The following FNDC3B variants were observed in gnomAD, a reference collection of about 807,000 sequenced individuals.
FNDC3B encodes fibronectin type III domain-containing protein 3B.
Under a neutral mutation model 151.5 loss-of-function variants are expected in FNDC3B, and 12 were observed. That is an observed-to-expected ratio of 0.08 (90% confidence interval 0.05 to 0.13). The LOEUF is 0.13. Among genes scored for constraint, FNDC3B ranks in the 10% least tolerant of loss-of-function variants. The pLI is 1.00. For synonymous variants in FNDC3B, 528 were observed against 549.0 expected (o/e 0.96, Z 0.54); for missense variants, 1,214 against 1,505.3 (o/e 0.81, Z 3.20).
chr3:172,133,350 T>C, intron 2 of FNDC3B, 121 bp from the exon 3 acceptor site: 2 of 739,198 alleles, frequency 2.7e-6, no homozygotes, highest in Non-Finnish European at 4.5e-6. Context: ...ACTCCAAGTT[T>C]TGTGTTTATA....
At chr3:172,330,403 A>G in intron 12 of FNDC3B, 138 bp from the exon 13 acceptor site, 1 of 650,110 alleles carries the variant, frequency 1.5e-6, no homozygotes, top group Non-Finnish European at 2.6e-6. Flanking sequence ...GGAATATCAC[A>G]CACAGCATCC....
intron 3 of FNDC3B, among the ~76,000 whole-genome samples, chr3:172,206,095 C>T (rs909637956): frequency 1.3e-5 from 2 of 152,088 alleles, no homozygotes; most frequent in Non-Finnish European, 2.9e-5. Flanking sequence ...TTTTTACAAC[C>T]GTAGGGTAAT....
intron 7 of FNDC3B, 59 bp from the exon 8 acceptor site, chr3:172,295,301 CTAA>C: frequency 6.7e-7 from 1 of 1,503,518 alleles, no homozygotes; most frequent in Non-Finnish European, 9.1e-7. Context: ...TATGCCACTA[CTAA>C]TAATTCTGAA....
chr3:172,374,308 G>T (rs903420994), intron 23 of FNDC3B, among the ~76,000 whole-genome samples: 3 of 152,184 alleles, frequency 2.0e-5, no homozygotes, highest in African/African-American at 7.2e-5. Context: ...TAAAAATTCT[G>T]TCTTCACAGC....
At chr3:172,350,234 T>C (rs1419926598) in intron 21 of FNDC3B, among the ~76,000 whole-genome samples, 1 of 152,238 alleles carries the variant, frequency 6.6e-6, no homozygotes, top group Non-Finnish European at 1.5e-5. Flanking sequence ...ATCTTTACTG[T>C]AATTCTATGA....
Position 172,251,377 on chromosome 3 carries a change from C to T in FNDC3B, c.626C>T (p.Pro209Leu), listed in dbSNP as rs746024468. ...QIDRQNRLNS[P>L]PSSIYKSSCT... ...GATCGCCAGAACCGCCTCAACAGCC[C>T]TCCTTCTTCTATCTACAAAAGCAGC... The change falls in exon 6 of 26, where the codon CCT becomes CTT. Residue 209 changes from proline (P) to leucine (L), a missense_variant. Pro to Leu is a moderately conservative substitution (Grantham distance 98). Around this residue, in one of 7 missense-constraint regions of FNDC3B, gnomAD observed 166 missense variants for 173.2 expected, o/e 0.96. Coordinates refer to ENST00000415807, the MANE Select transcript of FNDC3B (RefSeq NM_022763.4). 62 of 1,614,024 alleles carry T rather than the reference C, an allele frequency of 3.8e-5. No individual in the cohort carries two copies. The highest frequency in any genetic ancestry group is 1.9e-4 in the South Asian group (17 of 91,082).
chr3:172,295,601 T>C (rs909151716), intron 8 of FNDC3B, 87 bp downstream of exon 8: 40 of 1,305,100 alleles, frequency 3.1e-5, no homozygotes, highest in Admixed American at 2.3e-5. Context: ...GAAAACCTTA[T>C]AGGCTTGGCA....
chr3:172,107,137 T>G (rs1719695078), intron 1 of FNDC3B, among the ~76,000 whole-genome samples: 1 of 152,124 alleles, frequency 6.6e-6, no homozygotes. Context: ...GTGGCAGCCT[T>G]TCCCTGTCAA....
intron 4 of FNDC3B, among the ~76,000 whole-genome samples, chr3:172,239,765 T>C (rs1222256470): frequency 7.1e-5 from 10 of 141,148 alleles, no homozygotes; most frequent in African/African-American, 2.6e-4. Context: ...ATCTTTTCTG[T>C]TAGCTAAGAC....
At chr3:172,132,032 T>G (rs2108571514) in intron 2 of FNDC3B, among the ~76,000 whole-genome samples, 1 of 152,334 alleles carries the variant, frequency 6.6e-6, no homozygotes, top group East Asian at 1.9e-4. Flanking sequence ...AATTGCTTAG[T>G]TAATTGATTG....
chr3:172,096,346 C>A (rs573003947), intron 1 of FNDC3B, among the ~76,000 whole-genome samples: 1 of 152,264 alleles, frequency 6.6e-6, no homozygotes, highest in African/African-American at 2.4e-5. Context: ...TTCATGGAAT[C>A]CAGTCTTCAT....
chr3:172,068,271 C>T (rs761770834), intron 1 of FNDC3B, among the ~76,000 whole-genome samples: 30 of 152,198 alleles, frequency 2.0e-4, no homozygotes, highest in Non-Finnish European at 4.1e-4. Context: ...TGGGGAAGCG[C>T]CAGAAAGAAC....
intron 23 of FNDC3B, among the ~76,000 whole-genome samples, chr3:172,369,701 A>C (rs1385014231): frequency 6.6e-6 from 1 of 152,146 alleles, no homozygotes; most frequent in Admixed American, 6.5e-5. Context: ...TTAGTCGGTA[A>C]ACGGGGACTC....
chr3:172,169,809 A>G (rs1232448662), intron 3 of FNDC3B, among the ~76,000 whole-genome samples: 1 of 152,192 alleles, frequency 6.6e-6, no homozygotes, highest in Non-Finnish European at 1.5e-5. Flanking sequence ...GACTGTTCCT[A>G]TTCCCATTTA....
rs1369045742 is a variant in FNDC3B, at chr3:172,398,324, T to C, written c.*849T>C. On this transcript the variant is annotated 3_prime_UTR_variant, in exon 26 of 26. Coordinates refer to ENST00000415807, the MANE Select transcript of FNDC3B (RefSeq NM_022763.4). ...ACTAGAGTTATTATATTCTGTTATG[T>C]TTGACCAGAATTATATGACAAGAAC... 6.5e-6 allele frequency: 1 copy of C among 152,688 alleles called. No individual in the cohort carries two copies. Among genetic ancestry groups the C allele is most frequent in the Non-Finnish European group, 1.5e-5 (1 of 68,044 alleles). 9.5% of individuals were successfully genotyped at this position (152,688 alleles called of 1,614,324 possible).
At chr3:172,083,487 A>C (rs1416111935) in intron 1 of FNDC3B, among the ~76,000 whole-genome samples, 1 of 152,226 alleles carries the variant, frequency 6.6e-6, no homozygotes, top group African/African-American at 2.4e-5. Context: ...GCTCACTGCA[A>C]ACATAACTTT....
intron 3 of FNDC3B, among the ~76,000 whole-genome samples, chr3:172,218,373 G>A (rs548380981): frequency 3.9e-5 from 6 of 151,938 alleles, no homozygotes; most frequent in East Asian, 3.8e-4. Context: ...TTAGGTTATC[G>A]TGAAGATACT....
chr3:172,310,267 C>A (rs1431816095), intron 10 of FNDC3B, among the ~76,000 whole-genome samples: 1 of 152,188 alleles, frequency 6.6e-6, no homozygotes, highest in East Asian at 1.9e-4. Context: ...TGAAACTTCC[C>A]TCTGCTAACG....
chr3:172,086,899 G>A (rs962924559), intron 1 of FNDC3B, among the ~76,000 whole-genome samples: 8 of 152,188 alleles, frequency 5.3e-5, no homozygotes, highest in African/African-American at 1.9e-4. Context: ...TTAGCATGTA[G>A]CAGAGTATTT....
Sources: allele counts gnomAD v4.1 joint callset (sites outside exome capture counted in the v4.1 genomes callset), GRCh38; gene constraint gnomAD v4.1.1; regional missense constraint gnomAD v4.1.1; transcripts MANE v1.5; gene names NCBI Gene and HGNC (gene_info 2026-07-23, HGNC 2026-07-21).